ANK1: variants seen among roughly 807,000 people sequenced by gnomAD.
ANK1 encodes ankyrin 1, also known as ankyrin-1.
In ANK1, 51 loss-of-function variants were observed where a neutral mutation model predicts 210.4. That is an observed-to-expected ratio of 0.24 (90% confidence interval 0.19 to 0.31). The LOEUF (loss-of-function observed/expected upper bound fraction) is 0.31, where lower values mean the gene tolerates loss of function less well. Among genes scored for constraint, ANK1 ranks in the 10% least tolerant of loss-of-function variants. The pLI, the probability that ANK1 is intolerant of heterozygous loss-of-function variation, is 1.00. For synonymous variants in ANK1, 967 were observed against 1,025.9 expected (o/e 0.94, Z 1.10); for missense variants, 2,051 against 2,504.4 (o/e 0.82, Z 3.86).
chr8:41,854,685 A>G (rs1339415625), intron 1 of ANK1, among the ~76,000 whole-genome samples: 1 of 152,164 alleles, frequency 6.6e-6, no homozygotes, highest in Admixed American at 6.5e-5. Flanking sequence ...CACACTTGCA[A>G]TCCCAGTGCT....
chr8:41,834,109 A>G (rs1279498606), intron 1 of ANK1, among the ~76,000 whole-genome samples: 2 of 152,168 alleles, frequency 1.3e-5, no homozygotes, highest in Non-Finnish European at 2.9e-5. Flanking sequence ...CCCTGTCCCA[A>G]GCAGCTGGAG....
intron 1 of ANK1, among the ~76,000 whole-genome samples, chr8:41,783,775 G>A (rs897720454): frequency 6.6e-6 from 1 of 152,194 alleles, no homozygotes; most frequent in Non-Finnish European, 1.5e-5. Flanking sequence ...TTACAGCCCT[G>A]AGCAGGGCCA....
chr8:41,751,724 C>T (rs1006572286), intron 2 of ANK1, among the ~76,000 whole-genome samples: 7 of 152,158 alleles, frequency 4.6e-5, no homozygotes, highest in Admixed American at 3.3e-4. Context: ...ACCTGGCCCC[C>T]GCACCAGCCT....
chr8:41,820,945 G>A (rs1323591794), intron 1 of ANK1, among the ~76,000 whole-genome samples: 2 of 152,106 alleles, frequency 1.3e-5, no homozygotes, highest in Non-Finnish European at 2.9e-5. Context: ...TATCTTGCTG[G>A]GCAGACAAAA....
intron 1 of ANK1, among the ~76,000 whole-genome samples, chr8:41,806,490 A>T (rs770222815): frequency 6.6e-6 from 1 of 152,172 alleles, no homozygotes; most frequent in African/African-American, 2.4e-5. Flanking sequence ...CAAGGAGGGA[A>T]GATCACTTGA....
chr8:41,673,460 C>T (rs1393200374), intron 37 of ANK1, among the ~76,000 whole-genome samples: 1 of 152,184 alleles, frequency 6.6e-6, no homozygotes, highest in Non-Finnish European at 1.5e-5. Flanking sequence ...ACTAAACACC[C>T]ATAGACCTCA....
At chr8:41,737,204 TAGG>T (rs2150678341) in intron 2 of ANK1, among the ~76,000 whole-genome samples, 1 of 152,004 alleles carries the variant, frequency 6.6e-6, no homozygotes, top group East Asian at 1.9e-4. Flanking sequence ...GAGGCTGAGG[TAGG>T]AGAACAGTTT....
At position 41,718,100 on chromosome 8, in the gene ANK1, T is replaced by C. The variant is rs1309691467; in HGVS notation, c.1206+6A>G. The C allele has an allele frequency of 6.2e-7, 1 of 1,613,588 alleles. No individual in the cohort carries two copies. Among genetic ancestry groups the C allele is most frequent in the Admixed American group, 1.7e-5 (1 of 60,018 alleles). On this transcript the variant is annotated splice_donor_region_variant and intron_variant, in intron 11 of 42. Coordinates refer to ENST00000289734, the MANE Select transcript of ANK1 (RefSeq NM_000037.4). ...TGCCCCCAGGCTCCTCTGCAGTCTC[T>C]CCTACCTCGGTGACCGCGTCGATCG...
chr8:41,766,824 C>T (rs1841893789), intron 1 of ANK1, among the ~76,000 whole-genome samples: 3 of 152,222 alleles, frequency 2.0e-5, no homozygotes, highest in Admixed American at 2.0e-4. Flanking sequence ...CCTTCCTCTG[C>T]CCCATTCATT....
At chr8:41,883,302 G>C (rs1285182034) in intron 1 of ANK1, among the ~76,000 whole-genome samples, 1 of 152,210 alleles carries the variant, frequency 6.6e-6, no homozygotes, top group African/African-American at 2.4e-5. Flanking sequence ...ATGCCTTGCA[G>C]TCTGGTGCCA....
At chr8:41,659,782 C>A (rs1231955931) in intron 42 of ANK1, among the ~76,000 whole-genome samples, 2 of 151,498 alleles carry the variant, frequency 1.3e-5, no homozygotes, top group Non-Finnish European at 2.9e-5. Context: ...CAGGCTGCTC[C>A]GTGTTTCTGA....
chr8:41,666,123 G>C (rs1003261819), intron 39 of ANK1, among the ~76,000 whole-genome samples: 1 of 152,240 alleles, frequency 6.6e-6, no homozygotes, highest in Non-Finnish European at 1.5e-5. Flanking sequence ...CCTTCTCTGT[G>C]CCTCAGTTTC....
intron 1 of ANK1, among the ~76,000 whole-genome samples, chr8:41,805,648 G>C (rs1487613053): frequency 6.6e-6 from 1 of 152,130 alleles, no homozygotes; most frequent in Non-Finnish European, 1.5e-5. Context: ...TAATTCATTT[G>C]AACATAGCAT....
chr8:41,694,527 G>T lies in ANK1; in HGVS notation c.3327+65C>A. 2.7e-6 allele frequency: 4 copies of T among 1,467,370 alleles called. No individual in the cohort carries two copies. Among genetic ancestry groups the T allele is most frequent in the South Asian group, 2.4e-5 (2 of 84,394 alleles). The allele number at this position is 1,467,370 out of a possible 1,614,324, so 90.9% of individuals were successfully genotyped here. A position where few individuals can be genotyped will look rare whatever the true frequency, so the allele number is the denominator to read the frequency against. The stretch of plus-strand genomic sequence containing the variant: ...GTGTGGGGATGTCCTGGGGAAGAGG[G>T]TGGCCTTCCCGGAGGCCTGGAGTTC... On this transcript the variant is annotated intron_variant, in intron 28 of 42. Coordinates refer to ENST00000289734, the MANE Select transcript of ANK1 (RefSeq NM_000037.4). This position sits in a 1 kb window ranked among gnomAD's most constrained non-coding sequence, Gnocchi z 5.7.
chr8:41,888,146 C>T (rs1045686232), intron 1 of ANK1, among the ~76,000 whole-genome samples: 2 of 152,218 alleles, frequency 1.3e-5, no homozygotes, highest in Non-Finnish European at 2.9e-5. Flanking sequence ...TGAGCTCTCT[C>T]CCTCTATCAG....
intron 2 of ANK1, among the ~76,000 whole-genome samples, chr8:41,735,102 T>A (rs11777488): frequency 5.9e-5 from 9 of 151,988 alleles, no homozygotes; most frequent in Non-Finnish European, 1.3e-4. Context: ...CTGCATCTGG[T>A]GAAGCTGCCA....
chr8:41,696,236 T>G, intron 26 of ANK1, 127 bp downstream of exon 26: 1 of 1,049,968 alleles, frequency 9.5e-7, no homozygotes, highest in Non-Finnish European at 1.4e-6. Flanking sequence ...GACACCTTCG[T>G]GTGTCAGGAA....
chr8:41,669,724 G>A (rs914681603), intron 38 of ANK1, among the ~76,000 whole-genome samples: 3 of 151,994 alleles, frequency 2.0e-5, no homozygotes, highest in African/African-American at 4.8e-5. Flanking sequence ...CCCTGCACCC[G>A]CCCACCTCTC....
rs1332514449 is a variant in ANK1 at position 41,655,618 on chromosome 8, C to T, written c.*172G>A. 7 of 1,326,130 alleles carry T rather than the reference C, an allele frequency of 5.3e-6. No homozygotes were observed. The East Asian group carries it at 6.9e-5, about 13-fold the overall frequency. 82.1% of individuals were successfully genotyped at this position (1,326,130 alleles called of 1,614,324 possible). On this transcript the variant is annotated 3_prime_UTR_variant, in exon 43 of 43. Transcript: ENST00000289734. Reference sequence around the variant, plus strand: ...GTCATTCATGCCAAGAGGGGACTAGCAGGAGTCCCTTACAGAGGTCATGCC... The same window carrying T: ...GTCATTCATGCCAAGAGGGGACTAGTAGGAGTCCCTTACAGAGGTCATGCC...
Sources: allele counts gnomAD v4.1 joint callset (sites outside exome capture counted in the v4.1 genomes callset), GRCh38; gene constraint gnomAD v4.1.1; non-coding constraint Gnocchi (gnomAD v3.1); transcripts MANE v1.5; gene names NCBI Gene and HGNC (gene_info 2026-07-23, HGNC 2026-07-21).